The following POLR2D variants were observed in gnomAD, a reference collection of about 807,000 sequenced individuals.
POLR2D encodes RNA polymerase II subunit D.
A neutral mutation model predicts 17.6 loss-of-function variants in POLR2D; 10 were observed. The ratio of observed to expected loss-of-function variants is 0.57; its 90% CI spans 0.35 to 0.96. The LOEUF (loss-of-function observed/expected upper bound fraction) is 0.96. Ranked by LOEUF, POLR2D falls within the 40% of genes least tolerant of loss-of-function variation. The pLI is 0.02. For synonymous variants in POLR2D, 52 were observed against 60.2 expected (o/e 0.86, Z 0.63); for missense variants, 126 against 176.4 (o/e 0.71, Z 1.62).
rs112313482 is a variant in POLR2D, at chr2:127,846,077, C to A, written c.*2030G>T. The A allele has an allele frequency of 3.4e-4, 51 of 152,148 alleles. No individual in the cohort carries two copies. The highest frequency in any genetic ancestry group is 1.2e-3 in the African/African-American group (50 of 41,518). The allele number at this position is 152,148 out of a possible 1,614,324, so 9.4% of individuals were successfully genotyped here. A position where few individuals can be genotyped will look rare whatever the true frequency, so the allele number is the denominator to read the frequency against. On this transcript the variant is annotated 3_prime_UTR_variant, in exon 4 of 4. Transcript: ENST00000272645. Reference sequence around the variant, plus strand: ...GACTAGCCTGGCGAACGTGGTGAAACCCTGTCTCTACTAAAAACACAAAAA... The same window carrying A: ...GACTAGCCTGGCGAACGTGGTGAAAACCTGTCTCTACTAAAAACACAAAAA...
In POLR2D at chr2:127,851,244, A is replaced by C. The variant is rs553492533; in HGVS notation, c.255-559T>G. ...ACAGACAAACAAACAAACAAACAAA[A>C]CCAAAAAAACAAAAAACTAAAAAAA... is the stretch of plus-strand genomic sequence containing the variant. On this transcript the variant is annotated intron_variant, in intron 2 of 3. Coordinates refer to ENST00000272645, the MANE Select transcript of POLR2D (RefSeq NM_004805.4). Among the ~76,000 whole-genome samples the C allele has an allele frequency of 1.6e-4, 25 of 151,766 alleles. No individual in the cohort carries two copies. In the South Asian group the frequency reaches 5.2e-3, roughly 32 times the overall value.
In POLR2D at chr2:127,843,889, C is replaced by CT. The variant is rs1690107840; in HGVS notation, c.*4217dup. On this transcript the variant is annotated 3_prime_UTR_variant, in exon 4 of 4. Transcript: ENST00000272645. ...TTGGGAGGCGGAAACAGGTGGACTG[C>CT]TAGAGGTCAGAAATTCCAGACCAGC... The CT allele has an allele frequency of 1.3e-5, 2 of 153,552 alleles. No individual in the cohort carries two copies. 9.5% of individuals were successfully genotyped at this position (153,552 alleles called of 1,614,324 possible). A position where few individuals can be genotyped will look rare whatever the true frequency, so the allele number is the denominator to read the frequency against.
intron 1 of POLR2D, among the ~76,000 whole-genome samples, chr2:127,853,719 T>A (rs896247051): frequency 6.6e-6 from 1 of 152,098 alleles, no homozygotes; most frequent in Non-Finnish European, 1.5e-5. Context: ...CACCACACCC[T>A]GTGTGTTGTT....
chr2:127,858,015 C>T lies in POLR2D; in HGVS notation c.73+13G>A, dbSNP rs1320982199. 2 of 1,577,862 alleles carry T rather than the reference C, an allele frequency of 1.3e-6. No homozygotes were observed. Among genetic ancestry groups the T allele is most frequent in the East Asian group, 2.5e-5 (1 of 39,830 alleles). ...GAAGTGGCGCGGGGGAGTCTGGCAG[C>T]CCCGAGCCCAACCTTTAGGAAAGAT... On this transcript the variant is annotated intron_variant, in intron 1 of 3. Coordinates refer to ENST00000272645, the MANE Select transcript of POLR2D (RefSeq NM_004805.4).
At chr2:127,853,212 G>T in intron 1 of POLR2D, 107 bp from the exon 2 acceptor site, 1 of 876,262 alleles carries the variant, frequency 1.1e-6, no homozygotes, top group East Asian at 2.5e-5. Context: ...GAAATCGAGG[G>T]GTTTCCTACT....
intron 2 of POLR2D, among the ~76,000 whole-genome samples, chr2:127,851,003 C>T (rs6734925): frequency 0.12 from 18,575 of 151,650 alleles, 1,241 homozygotes; most frequent in African/African-American, 0.18. Context: ...GGTGGATCAA[C>T]GGAGGTCAGG....
chr2:127,857,946 C>A lies in POLR2D; in HGVS notation c.73+82G>T, dbSNP rs1690366731. 4.6e-6 allele frequency: 7 copies of A among 1,528,752 alleles called. No homozygotes were observed. The Admixed American group carries it at 1.0e-4, about 22-fold the overall frequency. 94.7% of individuals were successfully genotyped at this position (1,528,752 alleles called of 1,614,324 possible). A position where few individuals can be genotyped will look rare whatever the true frequency, so the allele number is the denominator to read the frequency against. On this transcript the variant is annotated intron_variant, in intron 1 of 3. Coordinates refer to ENST00000272645, the MANE Select transcript of POLR2D (RefSeq NM_004805.4). ...TGCCCAAGCCGCCGCTGAGGCAGGG[C>A]CTTGGGCGAAGCGCGCATAACGCCA...
chr2:127,851,036 C>T (rs1347870935), intron 2 of POLR2D, among the ~76,000 whole-genome samples: 3 of 151,980 alleles, frequency 2.0e-5, no homozygotes, highest in Non-Finnish European at 2.9e-5. Flanking sequence ...GCCTGGCCAA[C>T]GTGGTGAAAC....
At chr2:127,853,463 G>A (rs1690281001) in intron 1 of POLR2D, among the ~76,000 whole-genome samples, 1 of 152,156 alleles carries the variant, frequency 6.6e-6, no homozygotes, top group African/African-American at 2.4e-5. Context: ...TTATAAGAAT[G>A]TGAGGTGCTT....
intron 3 of POLR2D, among the ~76,000 whole-genome samples, chr2:127,848,582 T>C (rs1052085484): frequency 5.3e-5 from 8 of 152,134 alleles, no homozygotes; most frequent in Non-Finnish European, 1.2e-4. Context: ...AGTGGCGCAA[T>C]CTCGGCTCAC....
Position 127,858,104 on chromosome 2 carries a change from C to T in POLR2D, c.-4G>A, listed in dbSNP as rs1167959825. On this transcript the variant is annotated 5_prime_UTR_variant, in exon 1 of 4. Transcript: ENST00000272645. Reference sequence around the variant, plus strand: ...GATCGCTGCCACCCGCCGCCATCGCCGCGCCGCGCCGCGCGCCACCACCAG... The same window carrying T: ...GATCGCTGCCACCCGCCGCCATCGCTGCGCCGCGCCGCGCGCCACCACCAG... 6.8e-7 allele frequency: 1 copy of T among 1,478,326 alleles called. No homozygotes were observed. The highest frequency in any genetic ancestry group is 2.9e-5 in the East Asian group (1 of 34,476). The allele number at this position is 1,478,326 out of a possible 1,614,324, so 91.6% of individuals were successfully genotyped here.
rs1690157869 is a variant in POLR2D, at chr2:127,846,486, C to A, written c.*1621G>T. 1 of 152,246 alleles carries A rather than the reference C, an allele frequency of 6.6e-6. No individual in the cohort carries two copies. Among genetic ancestry groups the A allele is most frequent in the Admixed American group, 6.5e-5 (1 of 15,286 alleles). 9.4% of individuals were successfully genotyped at this position (152,246 alleles called of 1,614,324 possible). The stretch of plus-strand genomic sequence containing the variant: ...AGCTATTGAAGTGTTTTCCCCCAGA[C>A]TGAGATCAAGTGACTTCACTGCAGT... On this transcript the variant is annotated 3_prime_UTR_variant, in exon 4 of 4. Coordinates refer to ENST00000272645, the MANE Select transcript of POLR2D (RefSeq NM_004805.4).
intron 1 of POLR2D, among the ~76,000 whole-genome samples, chr2:127,853,404 G>A (rs1270955059): frequency 6.6e-6 from 1 of 152,102 alleles, no homozygotes; most frequent in African/African-American, 2.4e-5. Context: ...CTAGGCCTCA[G>A]TGTCTGTTGT....
rs1357979103 is a variant in POLR2D at position 127,847,818 on chromosome 2, A to T, written c.*289T>A. The T allele has an allele frequency of 2.5e-6, 1 of 394,194 alleles. No individual in the cohort carries two copies. Among genetic ancestry groups the T allele is most frequent in the Non-Finnish European group, 4.6e-6 (1 of 217,684 alleles). The allele number at this position is 394,194 out of a possible 1,614,324, so 24.4% of individuals were successfully genotyped here. ...ATGATGTGGAGGCCAAAAACCAGGA[A>T]TGAGGTAGTCAACAGTGTGGTTATG... On this transcript the variant is annotated 3_prime_UTR_variant, in exon 4 of 4. Transcript: ENST00000272645.
chr2:127,856,405 C>G (rs1190338186), intron 1 of POLR2D, among the ~76,000 whole-genome samples: 1 of 148,998 alleles, frequency 6.7e-6, no homozygotes, highest in African/African-American at 2.5e-5. Flanking sequence ...GCCTGGCCAA[C>G]ATGGTGAAAC....
intron 1 of POLR2D, among the ~76,000 whole-genome samples, chr2:127,857,610 C>T (rs1690360156): frequency 6.6e-6 from 1 of 152,210 alleles, no homozygotes; most frequent in Non-Finnish European, 1.5e-5. Context: ...TTTCTCACTT[C>T]CCCGACTCCC....
At chr2:127,848,543 G>A (rs368096004) in intron 3 of POLR2D, among the ~76,000 whole-genome samples, 6 of 152,012 alleles carry the variant, frequency 3.9e-5, no homozygotes, top group Admixed American at 6.6e-5. Flanking sequence ...ACCAAACGGA[G>A]TCTTGCTCTG....
At chr2:127,853,740 G>A (rs962394818) in intron 1 of POLR2D, among the ~76,000 whole-genome samples, 2 of 152,002 alleles carry the variant, frequency 1.3e-5, no homozygotes, top group African/African-American at 4.8e-5. Flanking sequence ...GGTAGAGATG[G>A]GGGTTTCACC....
At position 127,855,667 on chromosome 2, in the gene POLR2D, C is replaced by A. The variant is rs1016244038; in HGVS notation, c.73+2361G>T. 5.3e-5 allele frequency among the ~76,000 whole-genome samples: 8 copies of A among 152,194 alleles called. 1 individual carries two copies. Among genetic ancestry groups the A allele is most frequent in the Admixed American group, 5.2e-4 (8 of 15,278 alleles). On this transcript the variant is annotated intron_variant, in intron 1 of 3. Transcript: ENST00000272645. ...GCTTTTGGGAGGCATTCCCAGGATTCAGCATCAACAAAATGGGGATGGGGG... is the reference window on the plus strand; with the variant it reads ...GCTTTTGGGAGGCATTCCCAGGATTAAGCATCAACAAAATGGGGATGGGGG...
Sources: allele counts gnomAD v4.1 joint callset (sites outside exome capture counted in the v4.1 genomes callset), GRCh38; gene constraint gnomAD v4.1.1; transcripts MANE v1.5; gene names NCBI Gene and HGNC (gene_info 2026-07-23, HGNC 2026-07-21).